CROCC2: variants seen among roughly 807,000 people sequenced by gnomAD.
CROCC2 encodes ciliary rootlet coiled-coil protein 2.
In CROCC2, 163 loss-of-function variants were observed where a neutral mutation model predicts 177.6. The observed-to-expected ratio is 0.92, with a 90% CI of 0.81 to 1.05. The LOEUF (loss-of-function observed/expected upper bound fraction) is 1.05, where lower values mean the gene tolerates loss of function less well. CROCC2 is among the 50% of genes least tolerant of loss of function. The probability of loss-of-function intolerance (pLI) is 0.00; values close to 1 mark genes in which losing one functional copy is unlikely to be tolerated. For synonymous variants in CROCC2, 904 were observed against 787.3 expected (o/e 1.15, Z -2.48); for missense variants, 1,929 against 1,797.8 (o/e 1.07, Z -1.32).
intron 14 of CROCC2, among the ~76,000 whole-genome samples, chr2:240,937,579 TTCTG>T (rs1268961716): frequency 6.6e-6 from 1 of 152,186 alleles, no homozygotes; most frequent in Non-Finnish European, 1.5e-5. Context: ...ATTTTCTAGG[TTCTG>T]TCTGAAAAAT....
intron 14 of CROCC2, among the ~76,000 whole-genome samples, chr2:240,939,061 T>G (rs2059483680): frequency 1.3e-5 from 2 of 152,080 alleles, no homozygotes; most frequent in Non-Finnish European, 2.9e-5. Context: ...GTGGTGAGAG[T>G]GGCCATACTT....
intron 14 of CROCC2, 42 bp downstream of exon 14, chr2:240,935,630 G>A (rs950719030): frequency 8.9e-5 from 120 of 1,353,310 alleles, no homozygotes; most frequent in East Asian, 5.9e-4. Flanking sequence ...TCTGGGATGC[G>A]GCTGGGTGGC....
intron 1 of CROCC2, among the ~76,000 whole-genome samples, chr2:240,907,410 G>T (rs1394984498): frequency 1.3e-5 from 2 of 152,086 alleles, no homozygotes; most frequent in Non-Finnish European, 2.9e-5. Flanking sequence ...CAGCCAGGCG[G>T]CCCCACCTCC....
chr2:240,942,013 T>C (rs1467024763), intron 14 of CROCC2, among the ~76,000 whole-genome samples: 2 of 152,230 alleles, frequency 1.3e-5, no homozygotes, highest in Non-Finnish European at 2.9e-5. Flanking sequence ...GGCACAGCCT[T>C]GGAAGCAGAG....
At position 240,964,624 on chromosome 2, in the gene CROCC2, A is replaced by T. The variant is rs1370244638; in HGVS notation, c.3464A>T (p.Gln1155Leu). The T allele has an allele frequency of 1.3e-6, 2 of 1,548,400 alleles. No homozygotes were observed. Among genetic ancestry groups the T allele is most frequent in the Non-Finnish European group, 1.7e-6 (2 of 1,146,008 alleles). Reference sequence around the variant, plus strand: ...CAGGAGCTCCGGGAACTCCACAGACAGGTAGGGCGGCAGGGAGGGGTCAAC... The same window carrying T: ...CAGGAGCTCCGGGAACTCCACAGACTGGTAGGGCGGCAGGGAGGGGTCAAC... ...ARQELRELHR[Q>L]VRTLKAENQR... Residue 1155 changes from glutamine to leucine, a missense_variant and splice_region_variant, in exon 22 of 32, where the codon CAG becomes CTG. Transcript: ENST00000690015.
chr2:240,915,919 C>T (rs982572589), intron 1 of CROCC2, among the ~76,000 whole-genome samples: 15 of 152,314 alleles, frequency 9.8e-5, no homozygotes, highest in Non-Finnish European at 2.1e-4. Flanking sequence ...CCCTGGTGTT[C>T]CCTCCCACTG....
chr2:240,906,764 G>A (rs1373823680), intron 1 of CROCC2, among the ~76,000 whole-genome samples, 173 bp downstream of exon 1: 1 of 152,238 alleles, frequency 6.6e-6, no homozygotes, highest in East Asian at 1.9e-4. Flanking sequence ...GATGCAAGCA[G>A]GCGCGCCTGC....
chr2:240,940,997 T>C (rs1006469197), intron 14 of CROCC2, among the ~76,000 whole-genome samples: 1 of 152,160 alleles, frequency 6.6e-6, no homozygotes, highest in Non-Finnish European at 1.5e-5. Context: ...AGTTTCGGGA[T>C]ACAAAATTAG....
intron 27 of CROCC2, among the ~76,000 whole-genome samples, chr2:240,975,947 T>C (rs1043575719): frequency 6.6e-6 from 1 of 152,118 alleles, no homozygotes; most frequent in Non-Finnish European, 1.5e-5. Flanking sequence ...TCCAGGCTGG[T>C]CTCGAACTCC....
chr2:240,942,712 C>G (rs2059501485), intron 14 of CROCC2, among the ~76,000 whole-genome samples: 1 of 152,082 alleles, frequency 6.6e-6, no homozygotes, highest in Non-Finnish European at 1.5e-5. Context: ...GTACTTCAGT[C>G]TTTTGTGAGG....
intron 14 of CROCC2, among the ~76,000 whole-genome samples, chr2:240,935,937 C>A (rs529480020): frequency 6.6e-6 from 1 of 152,224 alleles, no homozygotes; most frequent in Admixed American, 6.5e-5. Context: ...CTGAACTCTG[C>A]GACTGCACAT....
chr2:240,907,726 CTCTACCTCCTCCACCTCG>C (rs2059265566), intron 1 of CROCC2, among the ~76,000 whole-genome samples: 1 of 69,184 alleles, frequency 1.4e-5, no homozygotes, highest in Non-Finnish European at 3.9e-5. Context: ...CTGGGGTGAG[CTCTACCTCCTCCACCTCG>C]GGTGACCTCT....
chr2:240,959,343 G>A lies in CROCC2; in HGVS notation c.2986G>A (p.Ala996Thr), dbSNP rs2059615362. ...GACTGAGGAGCTGAAGGCCCTCCAG[G>A]CCCAGTTTGAGGATGCCATCACAGC... ...ATTEELKALQ[A>T]QFEDAITAHQ... Residue 996 changes from alanine to threonine, a missense_variant, in exon 20 of 32, where the codon GCC (alanine) becomes ACC (threonine). Ala to Thr is a moderately conservative substitution (Grantham distance 58). Transcript: ENST00000690015. 6.4e-7 allele frequency: 1 copy of A among 1,550,498 alleles called. No homozygotes were observed. Among genetic ancestry groups the A allele is most frequent in the African/African-American group, 1.4e-5 (1 of 73,052 alleles).
rs757733737 is a variant in CROCC2, at chr2:240,934,903, C to G, written c.1792-13C>G. 47 of 1,487,996 alleles carry G rather than the reference C, an allele frequency of 3.2e-5. No individual in the cohort carries two copies. Among genetic ancestry groups the G allele is most frequent in the African/African-American group, 1.9e-4 (13 of 69,606 alleles). The allele number at this position is 1,487,996 out of a possible 1,614,324, so 92.2% of individuals were successfully genotyped here. On this transcript the variant is annotated splice_polypyrimidine_tract_variant and intron_variant, in intron 12 of 31. Transcript: ENST00000690015. ...CTGAAGGTCCCTCCCTGGCATCCCC[C>G]TCCCTGCCCCAGGCCGAGTGCAGCA...
intron 28 of CROCC2, among the ~76,000 whole-genome samples, chr2:240,984,012 G>A (rs1204311454): frequency 1.3e-5 from 2 of 152,188 alleles, no homozygotes; most frequent in Non-Finnish European, 2.9e-5. Context: ...AAGGATAGTG[G>A]CCCCTGAGCT....
chr2:240,965,439 C>T lies in CROCC2; in HGVS notation c.3524C>T (p.Ala1175Val), dbSNP rs1035763621. Residue 1175 changes from alanine to valine, a missense_variant, in exon 23 of 32, where the codon GCG becomes GTG. Ala to Val is a moderately conservative substitution (Grantham distance 64). Around this residue, in one of 3 missense-constraint regions of CROCC2, gnomAD observed 144 missense variants for 205.2 expected, o/e 0.70. Transcript: ENST00000690015. ...AGTGGAGAGGCCCATGAGCTGCAGG[C>T]GCAGTGCTCGCAGGAGGTGCTGGAG... ...RRSGEAHELQ[A>V]QCSQEVLELR... 7.0e-5 allele frequency: 109 copies of T among 1,549,848 alleles called. No homozygotes were observed. The highest frequency in any genetic ancestry group is 5.5e-4 in the Middle Eastern group (3 of 5,410).
intron 1 of CROCC2, among the ~76,000 whole-genome samples, chr2:240,912,671 C>G (rs1444043189): frequency 6.6e-6 from 1 of 152,174 alleles, no homozygotes; most frequent in Non-Finnish European, 1.5e-5. Flanking sequence ...ATTAAGTAGG[C>G]AAAATTCATT....
intron 28 of CROCC2, among the ~76,000 whole-genome samples, chr2:240,984,701 CTCCACACACACACCCAGGCACTCAA>C (rs2059825574): frequency 1.3e-5 from 1 of 75,290 alleles, no homozygotes; most frequent in Non-Finnish European, 2.6e-5. Flanking sequence ...CAGGCACTCA[CTCCACACACACACCCAGGCACTCAA>C]TCCACACACA....
Position 240,972,386 on chromosome 2 carries a change from C to T in CROCC2, c.4401+4124C>T, listed in dbSNP as rs548003756. On this transcript the variant is annotated intron_variant, in intron 27 of 31. Coordinates refer to ENST00000690015, the MANE Select transcript of CROCC2 (RefSeq NM_001351305.2). The surrounding 1 kb of genome is among the most constrained non-coding windows in gnomAD (Gnocchi z 7.1). ...AGCGGCGCTCTCCGGTGCACGGTCA[C>T]GGTGCGGTCCTCCACCTCCCCAGCT... is the stretch of plus-strand genomic sequence containing the variant. Among the ~76,000 whole-genome samples, 13 of 150,344 alleles carry T rather than the reference C, an allele frequency of 8.6e-5. No individual in the cohort carries two copies. Among genetic ancestry groups the T allele is most frequent in the South Asian group, 2.1e-4 (1 of 4,794 alleles).
Sources: gnomAD v4.1 joint callset for allele counts (sites outside exome capture counted in the v4.1 genomes callset) on GRCh38, gnomAD v4.1.1 for gene constraint, gnomAD v4.1.1 regional missense constraint, Gnocchi (gnomAD v3.1) non-coding constraint, MANE v1.5 for transcripts, NCBI Gene and HGNC (gene_info 2026-07-23, HGNC 2026-07-21) for gene names.